Variants in CLPB observed in about 807,000 individuals in gnomAD.
CLPB encodes the protein mitochondrial disaggregase.
In CLPB, 40 loss-of-function variants were observed where a neutral mutation model predicts 78.4. The ratio of observed to expected loss-of-function variants is 0.51; its 90% CI spans 0.40 to 0.66. CLPB has a LOEUF of 0.66. Ranked by LOEUF, CLPB falls within the 30% of genes least tolerant of loss-of-function variation. The pLI is 0.00. For synonymous variants in CLPB, 333 were observed against 348.0 expected (o/e 0.96, Z 0.48); for missense variants, 780 against 886.9 (o/e 0.88, Z 1.53).
intron 4 of CLPB, among the ~76,000 whole-genome samples, chr11:72,373,384 A>T (rs1480357648): frequency 3.9e-5 from 6 of 152,082 alleles, no homozygotes; most frequent in Non-Finnish European, 7.3e-5. Flanking sequence ...GTTACCACTA[A>T]TTTATTACCT....
In CLPB at chr11:72,402,969, T is replaced by C. The variant is rs749221378; in HGVS notation, c.539A>G (p.Asn180Ser). 7 of 1,613,936 alleles carry C rather than the reference T, an allele frequency of 4.3e-6. No homozygotes were observed. In the Admixed American group the frequency reaches 8.3e-5, roughly 19 times the overall value. ...TGTGTGGAAGGTGGTCTCTCACCTG[T>C]TGTTTCGGTTGATGGCTGCCACCAT... ...ALMVAAINRN[N>S]SVVQVLLAAG... Residue 180 changes from asparagine (N) to serine (S), a missense_variant, in exon 3 of 16, where the codon AAC (asparagine) becomes AGC (serine). Physicochemically the swap from Asn to Ser is conservative, Grantham distance 46 (BLOSUM62 1). Around this residue, in one of 3 missense-constraint regions of CLPB, gnomAD observed 417 missense variants for 414.7 expected, o/e 1.01. Transcript: ENST00000538039.
At chr11:72,300,068 G>A (rs995371230) in intron 11 of CLPB, among the ~76,000 whole-genome samples, 6 of 152,110 alleles carry the variant, frequency 3.9e-5, no homozygotes, top group Admixed American at 1.3e-4. Context: ...TCACTGAGAC[G>A]GACCTCGCTC....
At chr11:72,346,704 G>A (rs764289753) in intron 5 of CLPB, among the ~76,000 whole-genome samples, 1 of 151,930 alleles carries the variant, frequency 6.6e-6, no homozygotes, top group Non-Finnish European at 1.5e-5. Context: ...CCCACCGAGC[G>A]TGGTGGCTCA....
chr11:72,302,472 C>CTCA, intron 9 of CLPB, 124 bp from the exon 10 acceptor site: 1 of 816,242 alleles, frequency 1.2e-6, no homozygotes, highest in Non-Finnish European at 2.1e-6. Context: ...GATCTTCTAT[C>CTCA]TCACGCTCAA....
chr11:72,335,718 A>G (rs1950308938), intron 5 of CLPB, among the ~76,000 whole-genome samples: 1 of 152,216 alleles, frequency 6.6e-6, no homozygotes. Flanking sequence ...GAGAGTTCTT[A>G]GAAGCCAGAC....
chr11:72,434,115 T>G lies in CLPB; in HGVS notation c.360A>C (p.Ala120=). ...RAGLGMCALA[A]ALVVHCYSKS... Reference sequence around the variant, plus strand: ...TGCTGTAGCAATGAACCACCAGCGCTGCGGCCAGGGCGCACATGCCCAGTC... The same window carrying G: ...TGCTGTAGCAATGAACCACCAGCGCGGCGGCCAGGGCGCACATGCCCAGTC... The change falls in exon 1 of 16, where the codon GCA becomes GCC. Residue 120 remains alanine, a synonymous_variant. Coordinates refer to ENST00000538039, the MANE Select transcript of CLPB (RefSeq NM_001258392.3). 6.2e-7 allele frequency: 1 copy of G among 1,611,974 alleles called. No homozygotes were observed. Among genetic ancestry groups the G allele is most frequent in the South Asian group, 1.1e-5 (1 of 91,076 alleles).
At chr11:72,417,829 T>C (rs958462934) in intron 2 of CLPB, among the ~76,000 whole-genome samples, 1 of 152,132 alleles carries the variant, frequency 6.6e-6, no homozygotes, top group African/African-American at 2.4e-5. Flanking sequence ...GAGCCCCTGA[T>C]GTGTCCTGGG....
At chr11:72,351,656 C>T (rs1246349989) in intron 5 of CLPB, among the ~76,000 whole-genome samples, 1 of 152,206 alleles carries the variant, frequency 6.6e-6, no homozygotes, top group Non-Finnish European at 1.5e-5. Context: ...ACTGCAACCT[C>T]CACCTCTCAG....
intron 5 of CLPB, among the ~76,000 whole-genome samples, chr11:72,343,166 T>C (rs1369871210): frequency 1.3e-5 from 2 of 152,180 alleles, no homozygotes; most frequent in South Asian, 2.1e-4. Flanking sequence ...CACATTAAAG[T>C]AGTGGTTGAG....
rs142975254 is a variant in CLPB at position 72,385,754 on chromosome 11, C to T, written c.543-5370G>A. 5.9e-4 allele frequency among the ~76,000 whole-genome samples: 90 copies of T among 152,190 alleles called. 1 individual carries two copies. The East Asian group carries it at 9.3e-3, about 16-fold the overall frequency. On this transcript the variant is annotated intron_variant, in intron 3 of 15. Coordinates refer to ENST00000538039, the MANE Select transcript of CLPB (RefSeq NM_001258392.3). Reference sequence around the variant, plus strand: ...AGGAGAATCGCTTGAATCCGGGAGGCGGAGGATGCAGTGAGCCGAGATCGC... The same window carrying T: ...AGGAGAATCGCTTGAATCCGGGAGGTGGAGGATGCAGTGAGCCGAGATCGC...
intron 3 of CLPB, among the ~76,000 whole-genome samples, chr11:72,400,653 G>A (rs1286891247): frequency 6.6e-6 from 1 of 152,178 alleles, no homozygotes; most frequent in African/African-American, 2.4e-5. Flanking sequence ...CTACAAGCTG[G>A]GGGAAAAGAC....
intron 5 of CLPB, chr11:72,355,084 C>T (rs1950685693): frequency 6.6e-6 from 1 of 152,250 alleles, no homozygotes; most frequent in Non-Finnish European, 1.5e-5. Context: ...CCCAGGGTCA[C>T]TTGACAAGGC....
intron 4 of CLPB, among the ~76,000 whole-genome samples, chr11:72,375,908 G>A (rs1352063697): frequency 1.3e-5 from 2 of 152,184 alleles, no homozygotes; most frequent in Non-Finnish European, 2.9e-5. Context: ...TACTGATACG[G>A]AAGAAAAGGA....
Position 72,434,319 on chromosome 11 carries a change from G to A in CLPB, c.156C>T (p.Thr52=). ...LGEPQWLRVA[T]GGRPGTSPAL... ...CCGGCGATGTTCCAGGGCGCCCCCC[G>A]GTGGCTACCCTCAGCCACTGCGGCT... The change falls in exon 1 of 16, where the codon ACC becomes ACT. Residue 52 remains threonine (T), a synonymous_variant. Transcript: ENST00000538039. 2 of 1,612,220 alleles carry A rather than the reference G, an allele frequency of 1.2e-6. No individual in the cohort carries two copies. The highest frequency in any genetic ancestry group is 2.2e-5 in the East Asian group (1 of 44,882).
At chr11:72,401,326 A>G (rs1855555194) in intron 3 of CLPB, among the ~76,000 whole-genome samples, 1 of 152,188 alleles carries the variant, frequency 6.6e-6, no homozygotes, top group African/African-American at 2.4e-5. Context: ...CTGTAGTCCC[A>G]GCTACTCGGG....
chr11:72,305,677 G>A (rs555034220), intron 9 of CLPB, among the ~76,000 whole-genome samples: 1 of 152,320 alleles, frequency 6.6e-6, no homozygotes, highest in East Asian at 1.9e-4. Context: ...CCTTCTGAGT[G>A]AGGCATGCAC....
Position 72,434,372 on chromosome 11 carries a change from G to T in CLPB, c.103C>A (p.Arg35=). The part of the protein sequence containing the change: ...TLRGHGGASG[R]NVTTGSLGEP... ...CCGAGACTCCCAGTAGTCACATTCCGGCCGGAAGCACCTCCATGGCCCCGG... is the reference window on the plus strand; with the variant it reads ...CCGAGACTCCCAGTAGTCACATTCCTGCCGGAAGCACCTCCATGGCCCCGG... The change falls in exon 1 of 16, where the codon CGG becomes AGG. Residue 35 remains arginine (R), a synonymous_variant. Transcript: ENST00000538039. 1 of 1,611,802 alleles carries T rather than the reference G, an allele frequency of 6.2e-7. No individual in the cohort carries two copies.
chr11:72,316,444 A>G (rs542100160), intron 7 of CLPB, among the ~76,000 whole-genome samples: 87 of 152,292 alleles, frequency 5.7e-4, no homozygotes, highest in African/African-American at 1.9e-3. Context: ...GTCGGAGAAC[A>G]AAGATGAGGC....
At chr11:72,337,540 G>C (rs1950344189) in intron 5 of CLPB, among the ~76,000 whole-genome samples, 1 of 152,182 alleles carries the variant, frequency 6.6e-6, no homozygotes, top group African/African-American at 2.4e-5. Flanking sequence ...AAGATTCTGA[G>C]AAAGTAGAGG....
Sources: allele counts gnomAD v4.1 joint callset (sites outside exome capture counted in the v4.1 genomes callset), GRCh38; gene constraint gnomAD v4.1.1; regional missense constraint gnomAD v4.1.1; transcripts MANE v1.5; gene names NCBI Gene and HGNC (gene_info 2026-07-23, HGNC 2026-07-21).